Variants in MGMT observed in about 807,000 individuals in gnomAD.
MGMT encodes methylated-DNA--protein-cysteine methyltransferase.
MGMT carries 14 observed loss-of-function variants against 15.9 expected under a neutral mutation model. The observed-to-expected ratio is 0.88, with a 90% confidence interval of 0.58 to 1.37. The LOEUF (loss-of-function observed/expected upper bound fraction) is 1.37, where lower values mean the gene tolerates loss of function less well. MGMT is among the 40% of genes most tolerant of loss of function. The pLI is 0.00. For missense variants in MGMT, 282 were observed against 268.1 expected, an observed-to-expected ratio of 1.05 and a Z score of -0.36; for synonymous variants, 130 against 118.2, an observed-to-expected ratio of 1.10 and a Z score of -0.65.
At chr10:129,703,674 CG>C (rs970542757) in intron 2 of MGMT, among the ~76,000 whole-genome samples, 8 of 149,858 alleles carry the variant, frequency 5.3e-5, no homozygotes, top group African/African-American at 2.0e-4. Context: ...CCATCCTCGC[CG>C]GGGGGGCACC....
At chr10:129,688,822 A>C (rs1049370771) in intron 2 of MGMT, among the ~76,000 whole-genome samples, 1 of 152,174 alleles carries the variant, frequency 6.6e-6, no homozygotes, top group Non-Finnish European at 1.5e-5. Context: ...GCACGCCTCT[A>C]TCCTTTTAAG....
chr10:129,616,561 C>T (rs1412447898), intron 2 of MGMT, among the ~76,000 whole-genome samples: 1 of 152,202 alleles, frequency 6.6e-6, no homozygotes, highest in Non-Finnish European at 1.5e-5. Context: ...TGGATTACCT[C>T]TCTGGTGCCC....
intron 1 of MGMT, among the ~76,000 whole-genome samples, chr10:129,525,231 G>A (rs1048134706): frequency 2.6e-5 from 4 of 152,130 alleles, no homozygotes; most frequent in Non-Finnish European, 5.9e-5. Context: ...TTATCTTCCT[G>A]CATTACTCAT....
chr10:129,582,296 C>A (rs932937072), intron 2 of MGMT, among the ~76,000 whole-genome samples: 1 of 152,140 alleles, frequency 6.6e-6, no homozygotes, highest in African/African-American at 2.4e-5. Context: ...CTGAACAAGC[C>A]GTTGAGAGTG....
At chr10:129,706,341 T>C (rs1412128232) in intron 2 of MGMT, among the ~76,000 whole-genome samples, 7 of 152,174 alleles carry the variant, frequency 4.6e-5, no homozygotes, top group Non-Finnish European at 1.0e-4. Flanking sequence ...GGGCCACATG[T>C]CCAGGCAAGT....
intron 1 of MGMT, among the ~76,000 whole-genome samples, chr10:129,476,797 C>T (rs1564829106): frequency 6.6e-6 from 1 of 152,188 alleles, no homozygotes; most frequent in Non-Finnish European, 1.5e-5. Flanking sequence ...TGCACGCCCA[C>T]ACTGCCTCCC....
At chr10:129,694,867 TC>T (rs1848012301) in intron 2 of MGMT, among the ~76,000 whole-genome samples, 1 of 152,218 alleles carries the variant, frequency 6.6e-6, no homozygotes, top group South Asian at 2.1e-4. Context: ...ACCCTGAGTT[TC>T]AGTGCCAGCG....
intron 3 of MGMT, among the ~76,000 whole-genome samples, chr10:129,714,040 G>C (rs1848264092): frequency 6.6e-6 from 1 of 152,258 alleles, no homozygotes; most frequent in Non-Finnish European, 1.5e-5. Flanking sequence ...CCAGAATGCT[G>C]TTGAGAGCTG....
chr10:129,564,174 T>TCCTCCCCC (rs1846314292), intron 2 of MGMT: 8 of 72,674 alleles, frequency 1.1e-4, no homozygotes, highest in Admixed American at 9.7e-4. Flanking sequence ...CCCCTCCCCC[T>TCCTCCCCC]CCCTTCTTCT....
At chr10:129,710,744 A>C (rs1437458997) in intron 3 of MGMT, among the ~76,000 whole-genome samples, 1 of 152,144 alleles carries the variant, frequency 6.6e-6, no homozygotes, top group African/African-American at 2.4e-5. Flanking sequence ...CTTCTAGAGG[A>C]AAAGTCTTTT....
rs113597517 is a variant in MGMT at position 129,643,457 on chromosome 10, T to C, written c.126-64438T>C. Among the ~76,000 whole-genome samples, 522 of 152,276 alleles carry C rather than the reference T, an allele frequency of 3.4e-3. 4 individuals carry two copies. Among genetic ancestry groups the C allele is most frequent in the African/African-American group, 0.012 (490 of 41,550 alleles). ...GGGGAAGGTTCAAAGGCAGAGAGCC[T>C]GTTTGAGCTGGGCCAGGGCACAGAG... On this transcript the variant is annotated intron_variant, in intron 2 of 4. Transcript: ENST00000651593.
intron 1 of MGMT, among the ~76,000 whole-genome samples, chr10:129,521,972 A>G (rs1037010806): frequency 3.9e-5 from 6 of 152,232 alleles, no homozygotes; most frequent in East Asian, 1.9e-4. Context: ...CGCAGGGCCG[A>G]TGGGAGATGG....
intron 1 of MGMT, among the ~76,000 whole-genome samples, chr10:129,511,422 C>T (rs1845682328): frequency 6.6e-6 from 1 of 150,670 alleles, no homozygotes; most frequent in Admixed American, 6.6e-5. Flanking sequence ...ATGAGAACCC[C>T]ATATACCAGA....
chr10:129,761,160 G>A (rs907628034), intron 4 of MGMT, among the ~76,000 whole-genome samples: 3 of 152,196 alleles, frequency 2.0e-5, no homozygotes, highest in Admixed American at 6.5e-5. Context: ...TAGGGCCCAT[G>A]AGAACTGTGG....
chr10:129,739,910 C>A, intron 3 of MGMT, among the ~76,000 whole-genome samples: 1 of 152,206 alleles, frequency 6.6e-6, no homozygotes, highest in South Asian at 2.1e-4. Context: ...AGATCAGATC[C>A]AGGTCAGAGG....
rs571447087 is a variant in MGMT at position 129,735,430 on chromosome 10, G to A, written c.275-23772G>A. ...TATCCCCTTTATCATTTTTTATTGC[G>A]TCTATTTGATTCTTCTCTCTCTTTT... On this transcript the variant is annotated intron_variant, in intron 3 of 4. Coordinates refer to ENST00000651593, the MANE Select transcript of MGMT (RefSeq NM_002412.5). Among the ~76,000 whole-genome samples, 334 of 152,156 alleles carry A rather than the reference G, an allele frequency of 2.2e-3. 4 individuals carry two copies. Among genetic ancestry groups the A allele is most frequent in the South Asian group, 4.0e-3 (19 of 4,808 alleles).
rs1290834631 is a variant in MGMT, at chr10:129,536,379, T to G, written c.125+2T>G. The G allele has an allele frequency of 1.9e-6, 3 of 1,612,080 alleles. No homozygotes were observed. In the South Asian group the frequency reaches 3.3e-5, roughly 18 times the overall value. On this transcript the variant is annotated splice_donor_variant, in intron 2 of 4. Transcript: ENST00000651593. LOFTEE classifies it high-confidence loss of function. ...GGGCAAGGGGACGTCTGCAGCTGAG[T>G]AAGTATGAGCCCACGTGATCCTGTA...
At chr10:129,733,535 T>C (rs1226426169) in intron 3 of MGMT, among the ~76,000 whole-genome samples, 1 of 150,928 alleles carries the variant, frequency 6.6e-6, no homozygotes, top group Non-Finnish European at 1.5e-5. Flanking sequence ...TGGTAGTTTC[T>C]TTTGCTGTGC....
intron 1 of MGMT, among the ~76,000 whole-genome samples, chr10:129,507,411 T>G (rs12258668): frequency 0.069 from 10,429 of 152,212 alleles, 1,189 homozygotes; most frequent in African/African-American, 0.24. Context: ...CGGGCCGCCC[T>G]GTGCACAGCT....
Sources: allele counts gnomAD v4.1 joint callset (sites outside exome capture counted in the v4.1 genomes callset), GRCh38; gene constraint gnomAD v4.1.1; transcripts MANE v1.5; gene names NCBI Gene and HGNC (gene_info 2026-07-23, HGNC 2026-07-21).